Variants in ZNF804B observed in about 807,000 individuals in gnomAD.
The protein encoded by ZNF804B is zinc finger 804B.
In ZNF804B, 80 loss-of-function variants were observed where a neutral mutation model predicts 101.4. The ratio of observed to expected loss-of-function variants is 0.79; its 90% CI spans 0.66 to 0.95. The LOEUF (loss-of-function observed/expected upper bound fraction) is 0.95. ZNF804B is among the 40% of genes least tolerant of loss of function. ZNF804B has a pLI of 0.00. For synonymous variants in ZNF804B, 622 were observed against 558.8 expected (o/e 1.11, Z -1.59); for missense variants, 1,673 against 1,561.9 (o/e 1.07, Z -1.20).
intron 3 of ZNF804B, among the ~76,000 whole-genome samples, chr7:89,328,447 A>G (rs1204714076): frequency 6.6e-6 from 1 of 151,908 alleles, no homozygotes; most frequent in Non-Finnish European, 1.5e-5. Flanking sequence ...TGAAGACAAA[A>G]TAAAGGTACA....
At chr7:89,150,242 G>A (rs781731633) in intron 1 of ZNF804B, among the ~76,000 whole-genome samples, 3 of 151,764 alleles carry the variant, frequency 2.0e-5, no homozygotes, top group Admixed American at 1.3e-4. Flanking sequence ...TACAGAGTTC[G>A]GTACCATCCG....
chr7:89,195,094 G>A (rs1406878899), intron 1 of ZNF804B, among the ~76,000 whole-genome samples: 1 of 151,314 alleles, frequency 6.6e-6, no homozygotes, highest in Non-Finnish European at 1.5e-5. Flanking sequence ...AAAACCACAT[G>A]ATTATCTCAA....
chr7:89,211,331 G>A (rs1788800553), intron 1 of ZNF804B, among the ~76,000 whole-genome samples: 1 of 151,888 alleles, frequency 6.6e-6, no homozygotes. Flanking sequence ...TTTTGTTGTT[G>A]TTGTTGTTTG....
At chr7:89,256,513 C>G (rs1789633630) in intron 2 of ZNF804B, among the ~76,000 whole-genome samples, 1 of 145,960 alleles carries the variant, frequency 6.9e-6, no homozygotes, top group African/African-American at 2.6e-5. Context: ...CCGCTGTATG[C>G]CAGCCTAGGC....
chr7:88,854,541 T>TTCCTTTCCTTCCCTTC (rs1554340270), intron 1 of ZNF804B, among the ~76,000 whole-genome samples: 5 of 88,652 alleles, frequency 5.6e-5, no homozygotes, highest in Admixed American at 5.4e-4. Context: ...CTTCCTTCCT[T>TTCCTTTCCTTCCCTTC]CCTTCCTTCC....
chr7:89,232,000 T>A (rs1789199740), intron 2 of ZNF804B, among the ~76,000 whole-genome samples: 1 of 152,148 alleles, frequency 6.6e-6, no homozygotes. Context: ...GTGTTCTGAA[T>A]CGTAGGTAGA....
intron 2 of ZNF804B, among the ~76,000 whole-genome samples, chr7:89,285,051 A>G (rs992189808): frequency 4.0e-5 from 6 of 151,782 alleles, no homozygotes; most frequent in Admixed American, 3.9e-4. Flanking sequence ...AAAAAAATTT[A>G]AATTTAAATT....
rs373138224 is a variant in ZNF804B at position 88,946,104 on chromosome 7, T to G, written c.108+186020T>G. Among the ~76,000 whole-genome samples, 63 of 152,240 alleles carry G rather than the reference T, an allele frequency of 4.1e-4. No individual in the cohort carries two copies. The South Asian group carries it at 0.012, about 30-fold the overall frequency. ...ATTTCTTTCTCTTGCCTTATTTCCC[T>G]GGCTAGAACTTCCAATGCTATGTTG... On this transcript the variant is annotated intron_variant, in intron 1 of 3. Transcript: ENST00000333190.
intron 1 of ZNF804B, among the ~76,000 whole-genome samples, chr7:89,210,933 A>G (rs1316458749): frequency 5.3e-5 from 8 of 152,222 alleles, no homozygotes; most frequent in African/African-American, 1.9e-4. Flanking sequence ...GTTTTCCACA[A>G]TGGTTGCTAA....
rs1791916273 is a variant in ZNF804B at position 88,875,458 on chromosome 7, T to TA, written c.108+115380dup. On this transcript the variant is annotated intron_variant, in intron 1 of 3. Coordinates refer to ENST00000333190, the MANE Select transcript of ZNF804B (RefSeq NM_181646.5). ...AGAGAGAAGAATCAAATAGACGCAA[T>TA]AAAAAATCATAAAGGAGATATCACC... Among the ~76,000 whole-genome samples, 3 of 151,814 alleles carry TA rather than the reference T, an allele frequency of 2.0e-5. No individual in the cohort carries two copies. The South Asian group carries it at 6.2e-4, about 32-fold the overall frequency.
intron 1 of ZNF804B, among the ~76,000 whole-genome samples, chr7:89,087,636 T>G (rs923326524): frequency 6.6e-6 from 1 of 152,002 alleles, no homozygotes; most frequent in Non-Finnish European, 1.5e-5. Flanking sequence ...CTGTTGAACT[T>G]TACATATTAA....
Position 89,337,295 on chromosome 7 carries a change from A to T in ZNF804B, c.*263A>T, listed in dbSNP as rs1791113609. Among the ~76,000 whole-genome samples the T allele has an allele frequency of 6.6e-6, 1 of 152,118 alleles. No individual in the cohort carries two copies. The highest frequency in any genetic ancestry group is 1.5e-5 in the Non-Finnish European group (1 of 68,016). On this transcript the variant is annotated 3_prime_UTR_variant, in exon 4 of 4. Transcript: ENST00000333190. ...GGAAAGAGTTAAAGATTTGTTTTGGATGGGTTCTCGCATAATGTTATAAAA... is the reference window on the plus strand; with the variant it reads ...GGAAAGAGTTAAAGATTTGTTTTGGTTGGGTTCTCGCATAATGTTATAAAA...
intron 1 of ZNF804B, among the ~76,000 whole-genome samples, chr7:89,076,689 A>G (rs978187771): frequency 1.3e-5 from 2 of 152,204 alleles, no homozygotes; most frequent in Non-Finnish European, 2.9e-5. Flanking sequence ...CTTAAGAGAA[A>G]TTTTTGTATA....
intron 1 of ZNF804B, among the ~76,000 whole-genome samples, chr7:88,951,333 T>C (rs1335120496): frequency 4.6e-5 from 7 of 151,948 alleles, no homozygotes; most frequent in Admixed American, 3.3e-4. Flanking sequence ...TTTGTATTAA[T>C]ATAGAACCAT....
At chr7:89,295,095 C>A (rs1790361033) in intron 2 of ZNF804B, among the ~76,000 whole-genome samples, 1 of 152,026 alleles carries the variant, frequency 6.6e-6, no homozygotes, top group Admixed American at 6.6e-5. Flanking sequence ...TTCAATATAC[C>A]TTTCCTGCCT....
chr7:89,235,677 A>G (rs1789268692), intron 2 of ZNF804B, among the ~76,000 whole-genome samples: 1 of 152,156 alleles, frequency 6.6e-6, no homozygotes, highest in Non-Finnish European at 1.5e-5. Context: ...TCTTTAGGAC[A>G]GTTTTTTAAA....
chr7:89,311,819 T>C (rs1205845162), intron 2 of ZNF804B, among the ~76,000 whole-genome samples: 1 of 152,188 alleles, frequency 6.6e-6, no homozygotes, highest in Non-Finnish European at 1.5e-5. Context: ...ATTGGTTATA[T>C]TCATGTCTGA....
chr7:89,088,801 A>G (rs893777886), intron 1 of ZNF804B, among the ~76,000 whole-genome samples: 2 of 151,738 alleles, frequency 1.3e-5, no homozygotes, highest in African/African-American at 4.8e-5. Context: ...AACATTGAAC[A>G]ATGTGAAATG....
At chr7:89,311,152 C>G (rs1321421328) in intron 2 of ZNF804B, among the ~76,000 whole-genome samples, 1 of 152,178 alleles carries the variant, frequency 6.6e-6, no homozygotes, top group East Asian at 1.9e-4. Flanking sequence ...AAAATCCTTA[C>G]TGATTCTCTT....
Sources: allele counts gnomAD v4.1 joint callset (sites outside exome capture counted in the v4.1 genomes callset), GRCh38; gene constraint gnomAD v4.1.1; transcripts MANE v1.5; gene names NCBI Gene and HGNC (gene_info 2026-07-23, HGNC 2026-07-21).